The following CYP4F3 variants were observed in gnomAD, a reference collection of about 807,000 sequenced individuals.
CYP4F3 encodes the protein cytochrome P450 family 4 subfamily F member 3.
Under a neutral mutation model 54.8 loss-of-function variants are expected in CYP4F3, and 50 were observed. The observed-to-expected ratio is 0.91, with a 90% CI of 0.73 to 1.16. The LOEUF is 1.16. Ranked by LOEUF, CYP4F3 falls within the 50% of genes most tolerant of loss-of-function variation. The probability of loss-of-function intolerance (pLI) is 0.00; values close to 1 mark genes in which losing one functional copy is unlikely to be tolerated. For synonymous variants in CYP4F3, 244 were observed against 262.6 expected (o/e 0.93, Z 0.69); for missense variants, 715 against 676.2 (o/e 1.06, Z -0.64).
At chr19:15,646,977 TG>T in intron 3 of CYP4F3, 74 bp from the exon 4 acceptor site, 1 of 1,594,194 alleles carries the variant, frequency 6.3e-7, no homozygotes, top group Non-Finnish European at 8.6e-7. Flanking sequence ...AACCTCTTGC[TG>T]GGAGCCTCCC....
intron 2 of CYP4F3, among the ~76,000 whole-genome samples, chr19:15,643,341 G>C (rs4807965): frequency 0.16 from 24,116 of 148,802 alleles, 2,074 homozygotes; most frequent in Middle Eastern, 0.2. Context: ...TAGACAGATA[G>C]ATACATACAT....
At chr19:15,656,728 TTATCTATCTATC>T (rs1555743688) in intron 9 of CYP4F3, among the ~76,000 whole-genome samples, 1 of 143,914 alleles carries the variant, frequency 6.9e-6, no homozygotes, top group African/African-American at 2.6e-5. Flanking sequence ...TATCATCTAT[TTATCTATCTATC>T]TATCTATCTA....
chr19:15,649,422 A>G (rs1279087470), intron 6 of CYP4F3, 141 bp downstream of exon 6: 1 of 1,406,980 alleles, frequency 7.1e-7, no homozygotes, highest in African/African-American at 1.4e-5. Flanking sequence ...ACTGGTATGA[A>G]TTTTATCTTG....
chr19:15,650,383 A>G, intron 7 of CYP4F3, 200 bp downstream of exon 7: 2 of 1,045,708 alleles, frequency 1.9e-6, no homozygotes, highest in Admixed American at 2.3e-5. Flanking sequence ...TGAAATTGTG[A>G]TGAGTCTGAG....
At position 15,652,948 on chromosome 19, in the gene CYP4F3, G is replaced by T. The variant is rs1268916172; in HGVS notation, c.1111G>T (p.Glu371Ter). Residue 371 changes from glutamate to a stop codon, truncating the protein, a stop_gained, in exon 9 of 13, where the codon GAA becomes TAA. Coordinates refer to ENST00000221307, the MANE Select transcript of CYP4F3 (RefSeq NM_000896.3). LOFTEE classifies it high-confidence loss of function. ...LLKDREPKEI[E>*]WDDLAQLPFL... ...GAAGGACCGTGAGCCTAAAGAGATT[G>T]AATGGTGAGTGCAGGTGCTGGTGCC... 24 of 1,606,252 alleles carry T rather than the reference G, an allele frequency of 1.5e-5. No individual in the cohort carries two copies. The highest frequency in any genetic ancestry group is 2.0e-5 in the Non-Finnish European group (23 of 1,176,284).
At chr19:15,653,083 A>G in intron 9 of CYP4F3, 131 bp downstream of exon 9, 13 of 1,358,196 alleles carry the variant, frequency 9.6e-6, no homozygotes, top group Non-Finnish European at 1.3e-5. Flanking sequence ...GCAGAGGACC[A>G]CAGGCAGGAC....
chr19:15,653,479 A>G (rs1972921705), intron 9 of CYP4F3, among the ~76,000 whole-genome samples: 1 of 152,200 alleles, frequency 6.6e-6, no homozygotes, highest in African/African-American at 2.4e-5. Context: ...TGTGCTCTGG[A>G]GACCTGGGAA....
At chr19:15,643,447 TAGATAGATAGAC>T (rs1240886798) in intron 2 of CYP4F3, among the ~76,000 whole-genome samples, 3 of 149,586 alleles carry the variant, frequency 2.0e-5, no homozygotes, top group South Asian at 2.1e-4. Context: ...GATAGATAGA[TAGATAGATAGAC>T]AGACAGGCAG....
intron 9 of CYP4F3, among the ~76,000 whole-genome samples, chr19:15,656,783 G>GATCT (rs1327556557): frequency 8.5e-6 from 1 of 117,068 alleles, no homozygotes; most frequent in Non-Finnish European, 1.8e-5. Context: ...ATCCATCCAT[G>GATCT]ATCTATCTCT....
rs759340265 is a variant in CYP4F3 at position 15,659,276 on chromosome 19, C to T, written c.1454C>T (p.Thr485Met). ...GAGATGAAGGTGGTCCTGGGGCTCA[C>T]GCTGCTGCGCTTCCGCGTCCTGCCT... is the stretch of plus-strand genomic sequence containing the variant. ...MAEMKVVLGL[T>M]LLRFRVLPDH... The change falls in exon 13 of 13, where the codon ACG becomes ATG. Residue 485 changes from threonine to methionine, a missense_variant. Coordinates refer to ENST00000221307, the MANE Select transcript of CYP4F3 (RefSeq NM_000896.3). 4 of 1,613,242 alleles carry T rather than the reference C, an allele frequency of 2.5e-6. No individual in the cohort carries two copies. Among genetic ancestry groups the T allele is most frequent in the East Asian group, 2.2e-5 (1 of 44,852 alleles).
At chr19:15,650,231 G>A (rs1972754363) in intron 7 of CYP4F3, 48 bp downstream of exon 7, 2 of 1,614,014 alleles carry the variant, frequency 1.2e-6, no homozygotes, top group African/African-American at 1.3e-5. Flanking sequence ...GGAGCTTCAT[G>A]TGAAATGTCA....
At chr19:15,651,359 T>C (rs1342834715) in intron 7 of CYP4F3, among the ~76,000 whole-genome samples, 1 of 116,818 alleles carries the variant, frequency 8.6e-6, no homozygotes, top group African/African-American at 3.2e-5. Flanking sequence ...CAATGCTATA[T>C]CTATATCTTT....
intron 5 of CYP4F3, among the ~76,000 whole-genome samples, chr19:15,648,467 G>T (rs1053058304): frequency 6.6e-6 from 1 of 152,074 alleles, no homozygotes; most frequent in Non-Finnish European, 1.5e-5. Context: ...ACAACTCTGA[G>T]AAATTTTTCA....
chr19:15,647,378 C>A, intron 5 of CYP4F3, 54 bp downstream of exon 5: 2 of 1,610,470 alleles, frequency 1.2e-6, no homozygotes, highest in Non-Finnish European at 1.7e-6. Context: ...GGGGGAACCA[C>A]AGACAGATCT....
chr19:15,649,732 G>A (rs970698807), intron 6 of CYP4F3, among the ~76,000 whole-genome samples, 181 bp from the exon 7 acceptor site: 1 of 152,126 alleles, frequency 6.6e-6, no homozygotes, highest in African/African-American at 2.4e-5. Flanking sequence ...TGGGATGCAG[G>A]GAGAGATAAG....
At chr19:15,654,721 T>G (rs1448474912) in intron 9 of CYP4F3, among the ~76,000 whole-genome samples, 2 of 152,266 alleles carry the variant, frequency 1.3e-5, no homozygotes, top group African/African-American at 4.8e-5. Context: ...TATTCCATTG[T>G]GTATACACAC....
intron 2 of CYP4F3, among the ~76,000 whole-genome samples, chr19:15,643,592 C>T (rs1019314287): frequency 6.6e-6 from 1 of 152,106 alleles, no homozygotes; most frequent in African/African-American, 2.4e-5. Context: ...GGTTGTGTAA[C>T]TGAGTCCAAA....
intron 2 of CYP4F3, among the ~76,000 whole-genome samples, chr19:15,643,034 T>C (rs969142308): frequency 3.3e-5 from 5 of 151,372 alleles, no homozygotes; most frequent in Admixed American, 3.3e-4. Context: ...AGATGATTGA[T>C]AGATAATAGG....
In CYP4F3 at chr19:15,659,696, ACTAC is replaced by A. The variant is rs1403153659; in HGVS notation, c.*312_*315del. 2.7e-6 allele frequency: 1 copy of A among 368,410 alleles called. No homozygotes were observed. The highest frequency in any genetic ancestry group is 4.9e-6 in the Non-Finnish European group (1 of 203,528). 22.8% of individuals were successfully genotyped at this position (368,410 alleles called of 1,614,324 possible). Reference sequence around the variant, plus strand: ...AAAAAGGAATGAAGCAGTGATCCCCACTACACTGTGGATGAACCTTGAATGCATG... The same window carrying A: ...AAAAAGGAATGAAGCAGTGATCCCCAACTGTGGATGAACCTTGAATGCATG... On this transcript the variant is annotated 3_prime_UTR_variant, in exon 13 of 13. Transcript: ENST00000221307.
Sources: allele counts gnomAD v4.1 joint callset (sites outside exome capture counted in the v4.1 genomes callset), GRCh38; gene constraint gnomAD v4.1.1; transcripts MANE v1.5; gene names NCBI Gene and HGNC (gene_info 2026-07-23, HGNC 2026-07-21).